Variants in NUDT6 observed in about 807,000 individuals in gnomAD.
NUDT6 encodes the protein FAD diphosphatase NUDT6.
A neutral mutation model predicts 36.8 loss-of-function variants in NUDT6; 24 were observed. That is an observed-to-expected ratio of 0.65 (90% CI 0.47 to 0.92). The LOEUF (loss-of-function observed/expected upper bound fraction) is 0.92, where lower values mean the gene tolerates loss of function less well. Ranked by LOEUF, NUDT6 falls within the 40% of genes least tolerant of loss-of-function variation. NUDT6 has a pLI of 0.00. For synonymous variants in NUDT6, 163 were observed against 157.0 expected (o/e 1.04, Z -0.29); for missense variants, 388 against 392.8 (o/e 0.99, Z 0.10).
chr4:122,917,872 C>A (rs1727878444), intron 1 of NUDT6, 168 bp from the exon 2 acceptor site: 1 of 607,322 alleles, frequency 1.6e-6, no homozygotes, highest in South Asian at 2.0e-5. Flanking sequence ...TTATAGTAAC[C>A]ACCTTGTTTA....
chr4:122,908,927 C>T (rs1022197947), intron 3 of NUDT6, among the ~76,000 whole-genome samples: 1 of 152,162 alleles, frequency 6.6e-6, no homozygotes, highest in Non-Finnish European at 1.5e-5. Context: ...TTAATAAAAA[C>T]TTCTTTCTTT....
At chr4:122,895,750 C>G (rs1003296875) in intron 4 of NUDT6, 14 of 152,080 alleles carry the variant, frequency 9.2e-5, no homozygotes, top group African/African-American at 3.4e-4. Flanking sequence ...CTTCATTTAC[C>G]TAGTATTATG....
chr4:122,911,346 C>T (rs1376299348), intron 3 of NUDT6, among the ~76,000 whole-genome samples: 1 of 152,096 alleles, frequency 6.6e-6, no homozygotes, highest in Non-Finnish European at 1.5e-5. Context: ...TTACTGTTTC[C>T]ATGTCAAGTC....
chr4:122,908,106 C>A (rs1055981714), intron 3 of NUDT6, among the ~76,000 whole-genome samples: 6 of 146,452 alleles, frequency 4.1e-5, no homozygotes, highest in Non-Finnish European at 9.0e-5. Context: ...CAAGGGGACC[C>A]CAAAAAAATC....
At chr4:122,898,010 A>G (rs933110778) in intron 3 of NUDT6, 5 of 223,710 alleles carry the variant, frequency 2.2e-5, no homozygotes, top group East Asian at 1.1e-4. Context: ...CTAGTTAACT[A>G]TGAACAGATA....
chr4:122,901,983 T>C (rs1307877890), intron 3 of NUDT6, among the ~76,000 whole-genome samples: 1 of 152,228 alleles, frequency 6.6e-6, no homozygotes, highest in Non-Finnish European at 1.5e-5. Context: ...TGTGACCCTC[T>C]TGTTCTGTCT....
chr4:122,915,869 C>T (rs553754686), intron 2 of NUDT6, among the ~76,000 whole-genome samples: 1 of 152,210 alleles, frequency 6.6e-6, no homozygotes, highest in Admixed American at 6.5e-5. Context: ...CTACTTGCTA[C>T]AGGGAAGTAA....
intron 3 of NUDT6, among the ~76,000 whole-genome samples, chr4:122,902,209 G>T (rs1477813180): frequency 2.0e-5 from 3 of 152,116 alleles, no homozygotes; most frequent in Non-Finnish European, 2.9e-5. Flanking sequence ...TTGCTTGTTA[G>T]GTGTTGGGCA....
At chr4:122,906,509 C>T (rs1220169692) in intron 3 of NUDT6, among the ~76,000 whole-genome samples, 4 of 152,030 alleles carry the variant, frequency 2.6e-5, no homozygotes, top group African/African-American at 9.7e-5. Flanking sequence ...TCTATTGATG[C>T]CAGCATGCTG....
At chr4:122,893,284 T>C in intron 4 of NUDT6, 59 bp from the exon 5 acceptor site, 1 of 1,468,064 alleles carries the variant, frequency 6.8e-7, no homozygotes, top group South Asian at 1.4e-5. Flanking sequence ...AACTGTATCA[T>C]CAAAGATTTT....
intron 4 of NUDT6, chr4:122,893,967 C>T (rs1159742459): frequency 6.6e-6 from 1 of 152,180 alleles, no homozygotes; most frequent in Non-Finnish European, 1.5e-5. Flanking sequence ...CTCGTTTTGC[C>T]TCTATTTTTC....
At chr4:122,904,520 A>G (rs1578493408) in intron 3 of NUDT6, among the ~76,000 whole-genome samples, 1 of 151,756 alleles carries the variant, frequency 6.6e-6, no homozygotes, top group African/African-American at 2.4e-5. Flanking sequence ...GTGCAATGGC[A>G]TGATCTTGGC....
Position 122,897,604 on chromosome 4 carries a change from A to C in NUDT6, c.553+20T>G, listed in dbSNP as rs760759960. 6.4e-7 allele frequency: 1 copy of C among 1,561,848 alleles called. No homozygotes were observed. The highest frequency in any genetic ancestry group is 1.1e-5 in the South Asian group (1 of 89,684). On this transcript the variant is annotated intron_variant, in intron 4 of 4. Transcript: ENST00000304430. ...TTCCTCAACATTTTTAAGCCAATTAAAAATATAAAAGATACACACCAATAT... is the reference window on the plus strand; with the variant it reads ...TTCCTCAACATTTTTAAGCCAATTACAAATATAAAAGATACACACCAATAT...
At chr4:122,909,417 A>T (rs1202948017) in intron 3 of NUDT6, among the ~76,000 whole-genome samples, 2 of 152,214 alleles carry the variant, frequency 1.3e-5, no homozygotes, top group Non-Finnish European at 2.9e-5. Flanking sequence ...ATTTCATGCA[A>T]GTATTTTATG....
In NUDT6 at chr4:122,917,651, G is replaced by A. The variant is rs934842399; in HGVS notation, c.292C>T (p.Pro98Ser). The stretch of plus-strand genomic sequence containing the variant: ...GCAATAAATCGGCTTTGGAGGATGG[G>A]AATGTGCAGCCATACAGCTGTTCTA... The part of the protein sequence containing the change: ...EGRTAVWLHI[P>S]ILQSRFIAPA... The change falls in exon 2 of 5, where the codon CCC (proline) becomes TCC (serine). Residue 98 changes from proline to serine, a missense_variant. Physicochemically the swap from Pro to Ser is moderately conservative, Grantham distance 74 (BLOSUM62 -1). Transcript: ENST00000304430. 1.7e-5 allele frequency: 27 copies of A among 1,614,078 alleles called. No homozygotes were observed. The highest frequency in any genetic ancestry group is 2.2e-5 in the Non-Finnish European group (26 of 1,180,030).
intron 1 of NUDT6, chr4:122,922,103 T>A: frequency 2.4e-6 from 1 of 408,604 alleles, no homozygotes; most frequent in East Asian, 3.6e-5. Context: ...GCAACCAGGG[T>A]TGCAGATCCC....
rs1447405722 is a variant in NUDT6, at chr4:122,922,533, G to A, written c.40C>T (p.Leu14Phe). The change falls in exon 1 of 5, where the codon CTT (leucine) becomes TTT (phenylalanine). Residue 14 changes from leucine to phenylalanine, a missense_variant. Transcript: ENST00000304430. The part of the protein sequence containing the change: ...PLSWGRWRAM[L>F]ARTYGPGPSA... ...GGCCCGGGGCCGTAGGTTCGGGCAA[G>A]CATCGCGCGCCAGCGGCCCCAGCTC... 1.2e-6 allele frequency: 2 copies of A among 1,604,464 alleles called. No homozygotes were observed. The highest frequency in any genetic ancestry group is 2.2e-5 in the East Asian group (1 of 44,780).
chr4:122,922,430 C>T lies in NUDT6; in HGVS notation c.143G>A (p.Gly48Asp), dbSNP rs776593041. ...GATGCCCCCGAATCTGTCCAGCTCG[C>T]CCTGCAGATCGCACGCTCCAACTGG... ...NPPVGACDLQ[G>D]ELDRFGGISV... The change falls in exon 1 of 5, where the codon GGC becomes GAC. Residue 48 changes from glycine to aspartate, a missense_variant. Coordinates refer to ENST00000304430, the MANE Select transcript of NUDT6 (RefSeq NM_007083.5). 140 of 1,611,986 alleles carry T rather than the reference C, an allele frequency of 8.7e-5. No individual in the cohort carries two copies. Among genetic ancestry groups the T allele is most frequent in the Non-Finnish European group, 1.1e-4 (131 of 1,179,894 alleles).
chr4:122,905,408 G>C (rs1033840061), intron 3 of NUDT6, among the ~76,000 whole-genome samples: 1 of 152,128 alleles, frequency 6.6e-6, no homozygotes, highest in Non-Finnish European at 1.5e-5. Flanking sequence ...TTAGATCATA[G>C]CATATTTTAC....
Sources: gnomAD v4.1 joint callset for allele counts (sites outside exome capture counted in the v4.1 genomes callset) on GRCh38, gnomAD v4.1.1 for gene constraint, MANE v1.5 for transcripts, NCBI Gene and HGNC (gene_info 2026-07-23, HGNC 2026-07-21) for gene names.